The following NAV1 variants were observed in gnomAD, a reference collection of about 807,000 sequenced individuals.
The protein encoded by NAV1 is neuron navigator 1.
A neutral mutation model predicts 175.2 loss-of-function variants in NAV1; 18 were observed. The ratio of observed to expected loss-of-function variants is 0.10; its 90% CI spans 0.07 to 0.15. NAV1 has a LOEUF of 0.15. NAV1 is among the 10% of genes least tolerant of loss of function. The pLI is 1.00. For synonymous variants in NAV1, 897 were observed against 978.7 expected, an observed-to-expected ratio of 0.92 and a Z score of 1.56; for missense variants, 1,731 against 2,436.6, an observed-to-expected ratio of 0.71 and a Z score of 6.10.
intron 2 of NAV1, among the ~76,000 whole-genome samples, chr1:201,607,744 G>A (rs1393606879): frequency 1.3e-5 from 2 of 152,074 alleles, no homozygotes; most frequent in South Asian, 2.1e-4. Flanking sequence ...CACCCACCTC[G>A]GCCTCCCAAA....
chr1:201,780,504 C>T, exon 4 of NAV1: 1 of 1,614,248 alleles, frequency 6.2e-7, no homozygotes, highest in Non-Finnish European at 8.5e-7. Context: ...GCCAGCTCCT[C>T]ACTCAACTCC....
intron 2 of NAV1, among the ~76,000 whole-genome samples, chr1:201,599,184 A>G (rs562351860): frequency 1.3e-5 from 2 of 152,298 alleles, no homozygotes; most frequent in African/African-American, 4.8e-5. Flanking sequence ...TGGGACAATG[A>G]GGTCACACTC....
intron 3 of NAV1, among the ~76,000 whole-genome samples, chr1:201,763,112 T>C (rs1284825112): frequency 2.6e-5 from 4 of 152,188 alleles, no homozygotes; most frequent in Non-Finnish European, 4.4e-5. Context: ...CTTAATTTTG[T>C]GACTTTTTAG....
chr1:201,674,170 C>T (rs1358876720), intron 1 of NAV1: 1 of 152,134 alleles, frequency 6.6e-6, no homozygotes, highest in Admixed American at 6.5e-5. Context: ...AGGTGTAGGG[C>T]CCTCCTTAGC....
At chr1:201,684,380 CTG>C (rs1432981221) in intron 1 of NAV1, among the ~76,000 whole-genome samples, 2 of 151,714 alleles carry the variant, frequency 1.3e-5, no homozygotes, top group African/African-American at 2.4e-5. Context: ...TATATGTAAA[CTG>C]TGTGTGTGTA....
intron 1 of NAV1, among the ~76,000 whole-genome samples, chr1:201,586,768 T>C (rs1667041019): frequency 6.6e-6 from 1 of 152,234 alleles, no homozygotes; most frequent in South Asian, 2.1e-4. Flanking sequence ...TGATCTCATT[T>C]AACCTTAATT....
At chr1:201,552,933 G>A (rs892535660) in intron 1 of NAV1, among the ~76,000 whole-genome samples, 1 of 152,132 alleles carries the variant, frequency 6.6e-6, no homozygotes, top group African/African-American at 2.4e-5. Context: ...CTGTGGTGCT[G>A]GCTCTAAGAT....
chr1:201,557,684 A>T (rs1397246494), intron 1 of NAV1, among the ~76,000 whole-genome samples: 1 of 152,220 alleles, frequency 6.6e-6, no homozygotes, highest in Non-Finnish European at 1.5e-5. Flanking sequence ...CTTAGGCTAG[A>T]TAGAACAAGT....
chr1:201,741,995 G>A (rs1673453247), intron 3 of NAV1, among the ~76,000 whole-genome samples: 1 of 152,206 alleles, frequency 6.6e-6, no homozygotes, highest in South Asian at 2.1e-4. Context: ...CAGCCTACTA[G>A]GGTGGAGCTG....
Position 201,783,344 on chromosome 1 carries a change from T to C in NAV1, c.2358-62T>C, listed in dbSNP as rs1474734908. 6 of 1,493,650 alleles carry C rather than the reference T, an allele frequency of 4.0e-6. No homozygotes were observed. In the South Asian group the frequency reaches 7.2e-5, roughly 18 times the overall value. The allele number at this position is 1,493,650 out of a possible 1,614,324, so 92.5% of individuals were successfully genotyped here. ...AAGACTGGATAGGATTTCTTTAAGGTCCTATCTGCCTCTCACTCTGTAATT... is the reference window on the plus strand; with the variant it reads ...AAGACTGGATAGGATTTCTTTAAGGCCCTATCTGCCTCTCACTCTGTAATT... On this transcript the variant is annotated intron_variant, in intron 6 of 29. Coordinates refer to ENST00000367296, the Ensembl canonical transcript of NAV1.
chr1:201,823,554 A>G (rs989828896), exon 30 of NAV1: 1 of 152,194 alleles, frequency 6.6e-6, no homozygotes, highest in African/African-American at 2.4e-5. Context: ...ATGTCTAACC[A>G]TTGGGAAGGT....
rs893947496 is a variant in NAV1, at chr1:201,744,345, T to TATTC, written c.1226+25604_1226+25607dup. ...TTATTTATTTATTTATTTATTTATT[T>TATTC]ATTCATTCATTCATTCAACAAACTC... On this transcript the variant is annotated intron_variant, in intron 3 of 29. Coordinates refer to ENST00000367296, the Ensembl canonical transcript of NAV1. Among the ~76,000 whole-genome samples the TATTC allele has an allele frequency of 8.3e-3, 1,151 of 138,136 alleles. 13 individuals are homozygous for TATTC. The highest frequency in any genetic ancestry group is 0.053 in the East Asian group (248 of 4,700). 90.6% of individuals were successfully genotyped at this position (138,136 alleles called of 152,430 possible).
intron 3 of NAV1, among the ~76,000 whole-genome samples, chr1:201,744,840 T>G (rs773411583): frequency 1.3e-5 from 2 of 152,206 alleles, no homozygotes; most frequent in Non-Finnish European, 2.9e-5. Context: ...TGTGCCTTCA[T>G]CAGTCACACA....
chr1:201,590,203 G>T (rs1436062183), intron 2 of NAV1, among the ~76,000 whole-genome samples: 1 of 152,186 alleles, frequency 6.6e-6, no homozygotes, highest in Non-Finnish European at 1.5e-5. Context: ...AGGGAAGACA[G>T]TATCTCCATT....
chr1:201,559,075 C>A (rs905469187), intron 1 of NAV1, among the ~76,000 whole-genome samples: 21 of 152,118 alleles, frequency 1.4e-4, no homozygotes, highest in African/African-American at 5.1e-4. Flanking sequence ...TTTAACCTAG[C>A]TCATTGGATA....
At chr1:201,747,797 T>A (rs1323112850) in intron 3 of NAV1, among the ~76,000 whole-genome samples, 2 of 152,184 alleles carry the variant, frequency 1.3e-5, no homozygotes, top group African/African-American at 4.8e-5. Flanking sequence ...GTACTGTTTT[T>A]CCCCCATTTA....
At chr1:201,756,190 A>G (rs936645428) in intron 3 of NAV1, among the ~76,000 whole-genome samples, 70 of 151,984 alleles carry the variant, frequency 4.6e-4, no homozygotes, top group Non-Finnish European at 2.5e-4. Context: ...TTTAATTACT[A>G]CTAAGGAGCA....
chr1:201,704,545 A>G (rs1346504084), intron 1 of NAV1, among the ~76,000 whole-genome samples: 1 of 152,250 alleles, frequency 6.6e-6, no homozygotes, highest in Non-Finnish European at 1.5e-5. Context: ...CCTGAAGAGT[A>G]GATTTGTTCT....
chr1:201,639,886 C>A (rs542137114), intron 2 of NAV1, among the ~76,000 whole-genome samples: 1 of 152,278 alleles, frequency 6.6e-6, no homozygotes. Flanking sequence ...TTCTAAGGGA[C>A]CTCATTTCCG....
Sources: allele counts gnomAD v4.1 joint callset (sites outside exome capture counted in the v4.1 genomes callset), GRCh38; gene constraint gnomAD v4.1.1; transcripts MANE v1.5; gene names NCBI Gene and HGNC (gene_info 2026-07-23, HGNC 2026-07-21).